ROBO2: variants seen among roughly 807,000 people sequenced by gnomAD.
The protein encoded by ROBO2 is roundabout homolog 2.
ROBO2 carries 53 observed loss-of-function variants against 160.8 expected under a neutral mutation model. That is an observed-to-expected ratio of 0.33 (90% CI 0.26 to 0.41). The LOEUF (loss-of-function observed/expected upper bound fraction) is 0.41, where lower values mean the gene tolerates loss of function less well. ROBO2 is among the 10% of genes least tolerant of loss of function. The probability of loss-of-function intolerance (pLI) is 1.00; values close to 1 mark genes in which losing one functional copy is unlikely to be tolerated. For synonymous variants in ROBO2, 664 were observed against 611.7 expected (o/e 1.09, Z -1.26); for missense variants, 1,577 against 1,722.4 (o/e 0.92, Z 1.49).
chr3:76,135,891 T>A (rs1206673705), intron 2 of ROBO2, among the ~76,000 whole-genome samples: 1 of 152,122 alleles, frequency 6.6e-6, no homozygotes, highest in Non-Finnish European at 1.5e-5. Flanking sequence ...GAGGAAATAT[T>A]ACTTCACGAG....
chr3:76,267,928 A>C (rs989717905), intron 2 of ROBO2, among the ~76,000 whole-genome samples: 4 of 152,130 alleles, frequency 2.6e-5, no homozygotes, highest in Admixed American at 6.6e-5. Flanking sequence ...ACTATGCTTC[A>C]CAGAAGTAGC....
chr3:76,035,226 C>G (rs1207570372), intron 2 of ROBO2, among the ~76,000 whole-genome samples: 1 of 147,146 alleles, frequency 6.8e-6, no homozygotes, highest in Non-Finnish European at 1.5e-5. Context: ...CTTCCTAGGA[C>G]AATGTCTGGC....
chr3:77,240,085 G>A (rs116325277), intron 2 of ROBO2, among the ~76,000 whole-genome samples: 162 of 152,268 alleles, frequency 1.1e-3, no homozygotes, highest in African/African-American at 3.6e-3. Context: ...CCCATGCTGC[G>A]CTCCTGCACT....
chr3:76,628,072 A>T (rs2089779138), intron 2 of ROBO2, among the ~76,000 whole-genome samples: 1 of 145,706 alleles, frequency 6.9e-6, no homozygotes, highest in East Asian at 1.9e-4. Flanking sequence ...ATAAAAAAAT[A>T]AAGCTTTTGT....
At chr3:77,120,164 G>A (rs1376762675) in intron 2 of ROBO2, among the ~76,000 whole-genome samples, 1 of 152,168 alleles carries the variant, frequency 6.6e-6, no homozygotes, top group African/African-American at 2.4e-5. Flanking sequence ...AATGTGTAGA[G>A]TAACAATTAT....
chr3:76,912,987 G>A (rs569914297), intron 2 of ROBO2, among the ~76,000 whole-genome samples: 31 of 152,158 alleles, frequency 2.0e-4, no homozygotes, highest in South Asian at 2.1e-4. Flanking sequence ...CGTCCAAAGA[G>A]CACACAGATA....
At chr3:76,394,913 TCAA>T (rs1422926808) in intron 2 of ROBO2, among the ~76,000 whole-genome samples, 3 of 152,034 alleles carry the variant, frequency 2.0e-5, no homozygotes, top group Non-Finnish European at 4.4e-5. Context: ...ATTAGACAGA[TCAA>T]CGAGACAGAA....
chr3:77,071,197 TTC>T (rs2067374479), intron 1 of ROBO2, among the ~76,000 whole-genome samples: 1 of 152,154 alleles, frequency 6.6e-6, no homozygotes, highest in South Asian at 2.1e-4. Context: ...ACATAGAGCA[TTC>T]TCTTTCTAAG....
At chr3:77,304,551 A>C (rs1212394837) in intron 2 of ROBO2, among the ~76,000 whole-genome samples, 2 of 152,216 alleles carry the variant, frequency 1.3e-5, no homozygotes, top group Non-Finnish European at 2.9e-5. Context: ...CTCAACTTAC[A>C]AATGTCAAAC....
At chr3:77,426,737 G>A (rs1374606900) in intron 2 of ROBO2, among the ~76,000 whole-genome samples, 1 of 146,576 alleles carries the variant, frequency 6.8e-6, no homozygotes, top group Non-Finnish European at 1.5e-5. Flanking sequence ...AGGAAGGAAA[G>A]TTTTTCTTGA....
chr3:77,644,758 G>C, exon 25 of ROBO2: 1 of 1,613,984 alleles, frequency 6.2e-7, no homozygotes, highest in African/African-American at 1.3e-5. Flanking sequence ...GGTGGCCACA[G>C]CTCATCAGGA....
intron 2 of ROBO2, among the ~76,000 whole-genome samples, chr3:76,796,845 G>T (rs1042788676): frequency 1.3e-4 from 20 of 151,794 alleles, no homozygotes; most frequent in Non-Finnish European, 5.9e-5. Flanking sequence ...AACTGTAAAA[G>T]GAATCAAGCC....
intron 2 of ROBO2, among the ~76,000 whole-genome samples, chr3:77,410,731 CTTCCTCCTCCTT>C (rs2076719527): frequency 7.2e-6 from 1 of 139,416 alleles, no homozygotes; most frequent in Non-Finnish European, 1.6e-5. Flanking sequence ...TCCTCCTCCT[CTTCCTCCTCCTT>C]TTCCTCCTCC....
At chr3:76,529,530 A>G (rs1405233683) in intron 2 of ROBO2, among the ~76,000 whole-genome samples, 1 of 152,214 alleles carries the variant, frequency 6.6e-6, no homozygotes, top group Non-Finnish European at 1.5e-5. Flanking sequence ...GCACTGTGGC[A>G]TATTGTGAAA....
intron 2 of ROBO2, among the ~76,000 whole-genome samples, chr3:77,237,020 C>T (rs1403879391): frequency 6.6e-6 from 1 of 151,992 alleles, no homozygotes; most frequent in Non-Finnish European, 1.5e-5. Context: ...ACTACAGGCA[C>T]ATGCCACCAT....
At chr3:76,156,520 A>G in intron 2 of ROBO2, among the ~76,000 whole-genome samples, 1 of 152,228 alleles carries the variant, frequency 6.6e-6, no homozygotes, top group African/African-American at 2.4e-5. Flanking sequence ...GGCATGTAAA[A>G]GTGAGTTGAA....
intron 23 of ROBO2, chr3:77,633,518 G>A (rs2095210187): frequency 6.6e-6 from 1 of 151,974 alleles, no homozygotes; most frequent in South Asian, 2.1e-4. Flanking sequence ...GAATTACCTT[G>A]CAAAGCAAAC....
chr3:77,644,962 A>G, intron 25 of ROBO2, 58 bp downstream of exon 27: 5 of 1,527,764 alleles, frequency 3.3e-6, no homozygotes, highest in Non-Finnish European at 4.5e-6. Context: ...TTGGGTTAAT[A>G]ACATTGCCAC....
At chr3:76,922,743 C>T (rs1013349539) in intron 2 of ROBO2, among the ~76,000 whole-genome samples, 1 of 152,140 alleles carries the variant, frequency 6.6e-6, no homozygotes, top group African/African-American at 2.4e-5. Context: ...TCCCAGCCGC[C>T]GATTGTGATG....
Sources: gnomAD v4.1 joint callset for allele counts (sites outside exome capture counted in the v4.1 genomes callset) on GRCh38, gnomAD v4.1.1 for gene constraint, MANE v1.5 for transcripts, NCBI Gene and HGNC (gene_info 2026-07-23, HGNC 2026-07-21) for gene names.